AGBL1: variants seen among roughly 807,000 people sequenced by gnomAD.
AGBL1 encodes the protein AGBL carboxypeptidase 1.
AGBL1 carries 130 observed loss-of-function variants against 118.9 expected under a neutral mutation model. The ratio of observed to expected loss-of-function variants is 1.09; its 90% CI spans 0.95 to 1.26. The LOEUF (loss-of-function observed/expected upper bound fraction) is 1.26, where lower values mean the gene tolerates loss of function less well. Among genes scored for constraint, AGBL1 ranks in the 50% most tolerant of loss-of-function variants. AGBL1 has a pLI of 0.00. For missense variants in AGBL1, 1,584 were observed against 1,298.1 expected (o/e 1.22, Z -3.38); for synonymous variants, 555 against 478.9 (o/e 1.16, Z -2.08).
At chr15:86,755,571 C>G (rs1427399998) in intron 22 of AGBL1, among the ~76,000 whole-genome samples, 1 of 152,106 alleles carries the variant, frequency 6.6e-6, no homozygotes, top group African/African-American at 2.4e-5. Flanking sequence ...CAAAGTCCCC[C>G]TCTTCCAAGG....
chr15:86,713,088 A>C (rs1322675875), intron 22 of AGBL1, among the ~76,000 whole-genome samples: 1 of 152,122 alleles, frequency 6.6e-6, no homozygotes, highest in Admixed American at 6.6e-5. Flanking sequence ...TTATTTACAC[A>C]GGCATTACTG....
At position 86,844,636 on chromosome 15, in the gene AGBL1, A is replaced by G. The variant is rs571065172; in HGVS notation, c.3159-62451A>G. ...TTTTTTGTCAGATGCATAATTTTCA[A>G]ATATTGTCTCCCAGTCTGTGGCTTG... On this transcript the variant is annotated intron_variant, in intron 22 of 22. Coordinates refer to ENST00000614907, the MANE Select transcript of AGBL1 (RefSeq NM_001386094.1). Among the ~76,000 whole-genome samples, 40 of 152,250 alleles carry G rather than the reference A, an allele frequency of 2.6e-4. No individual in the cohort carries two copies. The South Asian group carries it at 3.9e-3, about 15-fold the overall frequency.
intron 18 of AGBL1, among the ~76,000 whole-genome samples, chr15:86,450,861 T>C (rs1303120848): frequency 6.6e-6 from 1 of 152,188 alleles, no homozygotes; most frequent in Non-Finnish European, 1.5e-5. Context: ...TTAATAATAT[T>C]TTATTTATCT....
intron 23 of AGBL1, among the ~76,000 whole-genome samples, chr15:86,941,391 C>T (rs1234896920): frequency 3.3e-5 from 5 of 152,092 alleles, no homozygotes; most frequent in Admixed American, 3.3e-4. Context: ...TTGGAGTAAT[C>T]AGGAATTAGG....
chr15:86,753,414 T>TC (rs1275415049), intron 22 of AGBL1, among the ~76,000 whole-genome samples: 1 of 135,722 alleles, frequency 7.4e-6, no homozygotes, highest in East Asian at 2.2e-4. Context: ...TTTTTTTTTT[T>TC]TGAGACAGAG....
intron 22 of AGBL1, among the ~76,000 whole-genome samples, chr15:86,690,341 A>C (rs558300080): frequency 6.6e-6 from 1 of 152,264 alleles, no homozygotes; most frequent in African/African-American, 2.4e-5. Flanking sequence ...GTTTGGAAAG[A>C]CTTAAAAGTA....
chr15:86,973,026 T>G (rs2081127020), intron 23 of AGBL1, among the ~76,000 whole-genome samples: 1 of 152,022 alleles, frequency 6.6e-6, no homozygotes, highest in Non-Finnish European at 1.5e-5. Flanking sequence ...TGCAACTTTC[T>G]GGTTGTGTGA....
chr15:86,724,235 C>CAAAA (rs1204898095), intron 22 of AGBL1, among the ~76,000 whole-genome samples: 5,815 of 73,564 alleles, frequency 0.079, 644 homozygotes, highest in African/African-American at 0.14. Context: ...GACTCCATCT[C>CAAAA]AAAAAAAAAA....
At chr15:86,837,574 A>C (rs1189126529) in intron 22 of AGBL1, among the ~76,000 whole-genome samples, 1 of 152,140 alleles carries the variant, frequency 6.6e-6, no homozygotes, top group Non-Finnish European at 1.5e-5. Flanking sequence ...TTGCTGTCTG[A>C]CCCTTTACAG....
At chr15:86,085,673 A>G (rs1895596060) in intron 1 of AGBL1, among the ~76,000 whole-genome samples, 2 of 152,082 alleles carry the variant, frequency 1.3e-5, no homozygotes, top group African/African-American at 2.4e-5. Context: ...TCATCCTAGT[A>G]TCTCAGCTCA....
intron 19 of AGBL1, among the ~76,000 whole-genome samples, chr15:86,528,417 C>A (rs990287690): frequency 2.0e-5 from 3 of 152,088 alleles, no homozygotes; most frequent in African/African-American, 4.8e-5. Context: ...AAAAACGGCG[C>A]ACCACGAGAC....
rs1308756602 is a variant in AGBL1 at position 86,264,697 on chromosome 15, A to T, written c.1526A>T (p.His509Leu). The T allele has an allele frequency of 1.9e-6, 3 of 1,613,956 alleles. No individual in the cohort carries two copies. The highest frequency in any genetic ancestry group is 2.5e-6 in the Non-Finnish European group (3 of 1,179,882). ...ACACATCTGAAGCGTGTCCCTTTCC[A>T]CGATCCCTATCTTTATATGGCCAAA... ...LQTHLKRVPF[H>L]DPYLYMAKAR... Residue 509 changes from histidine (H) to leucine (L), a missense_variant, in exon 11 of 23, where the codon CAC (histidine) becomes CTC (leucine). By Grantham distance (99) the His-to-Leu change is moderately conservative. Coordinates refer to ENST00000614907, the MANE Select transcript of AGBL1 (RefSeq NM_001386094.1).
chr15:86,153,114 G>A (rs2077137892), intron 3 of AGBL1, among the ~76,000 whole-genome samples: 1 of 152,140 alleles, frequency 6.6e-6, no homozygotes, highest in Admixed American at 6.6e-5. Context: ...GACTCCTCAA[G>A]GATCTAGAAC....
intron 24 of AGBL1, among the ~76,000 whole-genome samples, chr15:87,027,130 A>G (rs1207964347): frequency 1.3e-5 from 2 of 152,044 alleles, no homozygotes; most frequent in African/African-American, 4.8e-5. Context: ...TCAATAACAT[A>G]TAAAAATGAA....
At chr15:86,507,264 T>C (rs1296760764) in intron 18 of AGBL1, among the ~76,000 whole-genome samples, 1 of 152,128 alleles carries the variant, frequency 6.6e-6, no homozygotes, top group Non-Finnish European at 1.5e-5. Context: ...GATGAAGATC[T>C]AATCATTTCA....
chr15:86,595,569 T>A (rs1048977056), intron 21 of AGBL1, among the ~76,000 whole-genome samples: 1 of 152,172 alleles, frequency 6.6e-6, no homozygotes, highest in Non-Finnish European at 1.5e-5. Context: ...AACTATTATC[T>A]CCTCTCACCC....
At chr15:86,332,917 T>C (rs1468437154) in intron 17 of AGBL1, among the ~76,000 whole-genome samples, 1 of 152,128 alleles carries the variant, frequency 6.6e-6, no homozygotes, top group African/African-American at 2.4e-5. Context: ...TACATGGAAA[T>C]TGAACAACTT....
intron 9 of AGBL1, among the ~76,000 whole-genome samples, chr15:86,261,196 C>G (rs1039231100): frequency 6.6e-6 from 1 of 152,206 alleles, no homozygotes; most frequent in African/African-American, 2.4e-5. Context: ...TGACTCTCCT[C>G]CCTTCAGATG....
intron 21 of AGBL1, among the ~76,000 whole-genome samples, chr15:86,584,399 T>C (rs553851873): frequency 6.6e-6 from 1 of 152,110 alleles, no homozygotes; most frequent in Non-Finnish European, 1.5e-5. Flanking sequence ...CATTTTTCTG[T>C]ATGTGGCGAT....
Sources: allele counts gnomAD v4.1 joint callset (sites outside exome capture counted in the v4.1 genomes callset), GRCh38; gene constraint gnomAD v4.1.1; transcripts MANE v1.5; gene names NCBI Gene and HGNC (gene_info 2026-07-23, HGNC 2026-07-21).